SYNE3: variants seen among roughly 807,000 people sequenced by gnomAD.
SYNE3 encodes spectrin repeat containing nuclear envelope family member 3.
In SYNE3, 100 loss-of-function variants were observed where a neutral mutation model predicts 111.2. The observed-to-expected ratio is 0.90, with a 90% CI of 0.77 to 1.06. The LOEUF (loss-of-function observed/expected upper bound fraction) is 1.06. Ranked by LOEUF, SYNE3 falls within the 50% of genes least tolerant of loss-of-function variation. SYNE3 has a pLI of 0.00. For synonymous variants in SYNE3, 547 were observed against 533.9 expected (o/e 1.02, Z -0.34); for missense variants, 1,160 against 1,240.3 (o/e 0.94, Z 0.97).
intron 1 of SYNE3, among the ~76,000 whole-genome samples, chr14:95,496,910 C>T (rs1480283810): frequency 6.6e-6 from 1 of 152,252 alleles, no homozygotes; most frequent in African/African-American, 2.4e-5. Context: ...CGTACTCTTA[C>T]ACCCAAATGG....
chr14:95,419,604 C>T (rs144507412), intron 17 of SYNE3, among the ~76,000 whole-genome samples: 1,523 of 149,510 alleles, frequency 0.01, 7 homozygotes, highest in Non-Finnish European at 0.016. Context: ...GCCACAGTCC[C>T]GTGATGATGA....
In SYNE3 at chr14:95,460,376, T is replaced by G. The variant is rs145050484; in HGVS notation, c.628-3038A>C. 6.5e-3 allele frequency among the ~76,000 whole-genome samples: 963 copies of G among 147,242 alleles called. 4 individuals are homozygous for G. The highest frequency in any genetic ancestry group is 9.4e-3 in the Admixed American group (140 of 14,882). ...TGCACCACGATGCCTAGTTTTTTTTTTTTTTTTTTTTTTTTGCTATTTTTA... is the reference window on the plus strand; with the variant it reads ...TGCACCACGATGCCTAGTTTTTTTTGTTTTTTTTTTTTTTTGCTATTTTTA... On this transcript the variant is annotated intron_variant, in intron 4 of 17. Coordinates refer to ENST00000682763, the MANE Select transcript of SYNE3 (RefSeq NM_152592.6).
At chr14:95,460,030 G>A (rs1294196289) in intron 4 of SYNE3, among the ~76,000 whole-genome samples, 1 of 152,050 alleles carries the variant, frequency 6.6e-6, no homozygotes, top group African/African-American at 2.4e-5. Flanking sequence ...CCAGGAGGTG[G>A]AGGCTGCAGT....
At chr14:95,443,103 T>C in intron 11 of SYNE3, 52 bp downstream of exon 11, 1 of 1,605,282 alleles carries the variant, frequency 6.2e-7, no homozygotes, top group Non-Finnish European at 8.5e-7. Flanking sequence ...GCGTGTTGGA[T>C]GACAGGGGCC....
intron 3 of SYNE3, among the ~76,000 whole-genome samples, chr14:95,466,951 C>T (rs1888222033): frequency 6.6e-6 from 1 of 152,198 alleles, no homozygotes; most frequent in Admixed American, 6.5e-5. Flanking sequence ...TCGTTGCACC[C>T]AATGGGGACG....
chr14:95,508,189 A>G (rs1452382672), intron 1 of SYNE3, among the ~76,000 whole-genome samples: 1 of 152,116 alleles, frequency 6.6e-6, no homozygotes, highest in Non-Finnish European at 1.5e-5. Context: ...GGGTTACTTA[A>G]CCTCTCTGCC....
At chr14:95,487,863 C>A (rs896760270) in intron 1 of SYNE3, among the ~76,000 whole-genome samples, 1 of 152,102 alleles carries the variant, frequency 6.6e-6, no homozygotes, top group African/African-American at 2.4e-5. Context: ...TCCCCTCATA[C>A]ACAGATGTCT....
At position 95,450,014 on chromosome 14, in the gene SYNE3, T is replaced by C. The variant is rs544630388; in HGVS notation, c.1366A>G (p.Lys456Glu). 26 of 1,557,460 alleles carry C rather than the reference T, an allele frequency of 1.7e-5. No homozygotes were observed. In the Admixed American group the frequency reaches 4.8e-4, roughly 29 times the overall value. ...TCCAAGAGCCGCTGGGCCAGGGCCT[T>C]CCACAGCTGCAGATCCTGCAGAGGC... ...QRPLQDLQLWKALAQRLLEVT... is the reference protein window; with the variant it reads ...QRPLQDLQLWEALAQRLLEVT... The change falls in exon 8 of 18, where the codon AAG becomes GAG. Residue 456 changes from lysine (K) to glutamate (E), a missense_variant. Lys to Glu is a moderately conservative substitution (Grantham distance 56). Coordinates refer to ENST00000682763, the MANE Select transcript of SYNE3 (RefSeq NM_152592.6).
rs548369317 is a variant in SYNE3, at chr14:95,512,746, T to G, written c.-15+3850A>C. Among the ~76,000 whole-genome samples, 1,203 of 150,926 alleles carry G rather than the reference T, an allele frequency of 8.0e-3. 15 individuals are homozygous for G. Among genetic ancestry groups the G allele is most frequent in the African/African-American group, 0.028 (1,153 of 41,088 alleles). On this transcript the variant is annotated intron_variant, in intron 1 of 17. Coordinates refer to ENST00000682763, the MANE Select transcript of SYNE3 (RefSeq NM_152592.6). ...GGTGGTGGGCGCCTGTAGTCCCAGC[T>G]ACTCGGGAGGCTGAGGCAGGAGAAT...
intron 17 of SYNE3, among the ~76,000 whole-genome samples, chr14:95,419,279 A>G (rs2139335552): frequency 6.6e-6 from 1 of 152,284 alleles, no homozygotes; most frequent in East Asian, 1.9e-4. Flanking sequence ...CTCAACAGCT[A>G]TGTGACCTTG....
At chr14:95,514,503 C>G (rs1301788724) in intron 1 of SYNE3, among the ~76,000 whole-genome samples, 1 of 152,246 alleles carries the variant, frequency 6.6e-6, no homozygotes, top group Non-Finnish European at 1.5e-5. Context: ...GCCCCTTCGC[C>G]TCAAACTGTG....
In SYNE3 at chr14:95,419,664, G is replaced by C. The variant is rs1281656795; in HGVS notation, c.2728-1638C>G. Among the ~76,000 whole-genome samples, 25 of 141,224 alleles carry C rather than the reference G, an allele frequency of 1.8e-4. 1 individual carries two copies. Among genetic ancestry groups the C allele is most frequent in the Admixed American group, 1.6e-3 (22 of 13,764 alleles). 92.6% of individuals were successfully genotyped at this position (141,224 alleles called of 152,430 possible). A position where few individuals can be genotyped will look rare whatever the true frequency, so the allele number is the denominator to read the frequency against. On this transcript the variant is annotated intron_variant, in intron 17 of 17. Coordinates refer to ENST00000682763, the MANE Select transcript of SYNE3 (RefSeq NM_152592.6). The stretch of plus-strand genomic sequence containing the variant: ...AGGTGATGGCAATGATGGCAGTGAT[G>C]CTTGATGATGGTGGTGATGCGATAA...
intron 1 of SYNE3, among the ~76,000 whole-genome samples, chr14:95,480,650 T>C (rs1270496701): frequency 1.3e-5 from 2 of 152,104 alleles, no homozygotes; most frequent in Non-Finnish European, 2.9e-5. Flanking sequence ...CTTCTCAAAA[T>C]GGGACACCTT....
chr14:95,462,009 G>A (rs975672235), intron 4 of SYNE3, among the ~76,000 whole-genome samples: 1 of 152,214 alleles, frequency 6.6e-6, no homozygotes, highest in Non-Finnish European at 1.5e-5. Flanking sequence ...TTAGGATTGA[G>A]TGGTTGGATC....
At chr14:95,480,567 G>A (rs942442976) in intron 1 of SYNE3, among the ~76,000 whole-genome samples, 1 of 152,222 alleles carries the variant, frequency 6.6e-6, no homozygotes, top group Non-Finnish European at 1.5e-5. Context: ...AGCCTCCCCA[G>A]GAATGGACAG....
chr14:95,481,042 G>C (rs551054604), intron 1 of SYNE3, among the ~76,000 whole-genome samples: 1 of 152,166 alleles, frequency 6.6e-6, no homozygotes, highest in South Asian at 2.1e-4. Flanking sequence ...AGAATGCTGC[G>C]GGGCTGACTG....
At chr14:95,480,311 AT>A (rs1242959672) in intron 1 of SYNE3, among the ~76,000 whole-genome samples, 3 of 152,124 alleles carry the variant, frequency 2.0e-5, no homozygotes, top group African/African-American at 7.2e-5. Flanking sequence ...GCGCTGGTGT[AT>A]GGAGGAGACA....
chr14:95,457,486 A>C, intron 4 of SYNE3, 148 bp from the exon 5 acceptor site: 4 of 831,008 alleles, frequency 4.8e-6, no homozygotes, highest in Non-Finnish European at 3.7e-6. Flanking sequence ...TTCTCTAGAC[A>C]CAAAGAGCTC....
chr14:95,442,433 C>T (rs567361927), intron 11 of SYNE3, among the ~76,000 whole-genome samples: 2 of 152,216 alleles, frequency 1.3e-5, no homozygotes, highest in East Asian at 1.9e-4. Context: ...TGAAATAGGG[C>T]GTGCAATGTC....
Sources: allele counts gnomAD v4.1 joint callset (sites outside exome capture counted in the v4.1 genomes callset), GRCh38; gene constraint gnomAD v4.1.1; transcripts MANE v1.5; gene names NCBI Gene and HGNC (gene_info 2026-07-23, HGNC 2026-07-21).